The following CHRM5 variants were observed in gnomAD, a reference collection of about 807,000 sequenced individuals.
The protein encoded by CHRM5 is cholinergic receptor muscarinic 5.
A neutral mutation model predicts 39.0 loss-of-function variants in CHRM5; 18 were observed. The observed-to-expected ratio is 0.46, with a 90% CI of 0.32 to 0.68. The LOEUF is 0.68. Among genes scored for constraint, CHRM5 ranks in the 30% least tolerant of loss-of-function variants. The pLI is 0.04. For synonymous variants in CHRM5, 241 were observed against 246.3 expected (o/e 0.98, Z 0.20); for missense variants, 515 against 651.1 (o/e 0.79, Z 2.28).
chr15:34,044,825 A>G (rs1026134663), intron 1 of CHRM5, among the ~76,000 whole-genome samples: 11 of 152,050 alleles, frequency 7.2e-5, no homozygotes, highest in Non-Finnish European at 1.5e-4. Context: ...CCGAGGCGGG[A>G]GGATCATGAG....
intron 1 of CHRM5, among the ~76,000 whole-genome samples, chr15:33,989,415 G>A (rs896262413): frequency 2.0e-5 from 3 of 151,132 alleles, no homozygotes; most frequent in African/African-American, 7.3e-5. Flanking sequence ...AAAGCAAGGA[G>A]GTATTATTTC....
chr15:34,023,179 CAGAAAAAAAAAA>C (rs1898286579), intron 1 of CHRM5, among the ~76,000 whole-genome samples: 2 of 150,994 alleles, frequency 1.3e-5, no homozygotes, highest in African/African-American at 2.4e-5. Context: ...GACTCGGTCT[CAGAAAAAAAAAA>C]AGGAAAAGAA....
At position 34,064,946 on chromosome 15, in the gene CHRM5, T is replaced by C. The variant is rs1247026820; in HGVS notation, c.*630T>C. On this transcript the variant is annotated 3_prime_UTR_variant, in exon 3 of 3. Coordinates refer to ENST00000383263, the MANE Select transcript of CHRM5 (RefSeq NM_012125.4). ...CTTCCCTTTCATATCCAATGTCAAT[T>C]CCTTGTACTCACTGAACCCATGCTG... is the stretch of plus-strand genomic sequence containing the variant. 1 of 167,616 alleles carries C rather than the reference T, an allele frequency of 6.0e-6. No individual in the cohort carries two copies. The highest frequency in any genetic ancestry group is 2.4e-5 in the African/African-American group (1 of 41,456). The allele number at this position is 167,616 out of a possible 1,614,324, so 10.4% of individuals were successfully genotyped here.
At chr15:34,004,044 C>T (rs1319777181) in intron 1 of CHRM5, among the ~76,000 whole-genome samples, 3 of 152,186 alleles carry the variant, frequency 2.0e-5, no homozygotes, top group Admixed American at 2.0e-4. Flanking sequence ...TCTCCAGGCT[C>T]AATTTCTACA....
intron 1 of CHRM5, chr15:34,039,020 TC>T (rs1179304884): frequency 8.9e-7 from 1 of 1,120,072 alleles, no homozygotes; most frequent in Non-Finnish European, 1.1e-6. Context: ...GCCCACGGCC[TC>T]CCCGAGCTCC....
At chr15:34,012,501 C>T (rs1051780946) in intron 1 of CHRM5, among the ~76,000 whole-genome samples, 2 of 152,150 alleles carry the variant, frequency 1.3e-5, no homozygotes, top group African/African-American at 4.8e-5. Context: ...GTACATCTGC[C>T]TCTCTGTTCC....
intron 1 of CHRM5, among the ~76,000 whole-genome samples, chr15:33,971,659 T>A (rs1895643715): frequency 6.6e-6 from 1 of 152,140 alleles, no homozygotes; most frequent in South Asian, 2.1e-4. Context: ...TTTAAATGCA[T>A]TAAATATATA....
At chr15:33,989,622 G>C (rs945511926) in intron 1 of CHRM5, among the ~76,000 whole-genome samples, 13 of 151,910 alleles carry the variant, frequency 8.6e-5, no homozygotes, top group African/African-American at 3.1e-4. Context: ...CCTTTTCATA[G>C]TCTCTGAATT....
chr15:34,000,964 AAAAT>A (rs1224231789), intron 1 of CHRM5, among the ~76,000 whole-genome samples: 1 of 152,188 alleles, frequency 6.6e-6, no homozygotes, highest in Non-Finnish European at 1.5e-5. Flanking sequence ...ATAAAATGCT[AAAAT>A]AAATAACCAA....
intron 1 of CHRM5, among the ~76,000 whole-genome samples, chr15:33,979,497 G>A (rs1013740706): frequency 6.6e-6 from 1 of 152,146 alleles, no homozygotes; most frequent in Non-Finnish European, 1.5e-5. Context: ...AAACAAGCAA[G>A]CAAATAAAAC....
chr15:33,990,771 T>C (rs761071567), intron 1 of CHRM5: 1 of 152,220 alleles, frequency 6.6e-6, no homozygotes, highest in African/African-American at 2.4e-5. Flanking sequence ...TTTGATGACT[T>C]TAATTTGCCG....
intron 1 of CHRM5, among the ~76,000 whole-genome samples, chr15:34,016,637 A>G (rs1897925378): frequency 6.6e-6 from 1 of 152,200 alleles, no homozygotes; most frequent in African/African-American, 2.4e-5. Flanking sequence ...CACTAACTAA[A>G]GCCAAGTGTC....
chr15:33,986,155 G>A (rs1219150865), intron 1 of CHRM5, among the ~76,000 whole-genome samples: 1 of 151,496 alleles, frequency 6.6e-6, no homozygotes, highest in East Asian at 1.9e-4. Context: ...CGCCCAGGCT[G>A]GAGTGCAGTG....
At chr15:33,997,491 T>C (rs557517864) in intron 1 of CHRM5, among the ~76,000 whole-genome samples, 2 of 152,296 alleles carry the variant, frequency 1.3e-5, no homozygotes, top group Admixed American at 6.5e-5. Context: ...GGCACACCCG[T>C]ATTTTTATAT....
intron 1 of CHRM5, among the ~76,000 whole-genome samples, chr15:33,971,708 T>G (rs939510190): frequency 5.3e-5 from 8 of 152,126 alleles, no homozygotes; most frequent in Admixed American, 1.3e-4. Context: ...TAAGTTTTCA[T>G]AAGGAATTTT....
chr15:34,038,689 G>T (rs1361223965), intron 1 of CHRM5: 31 of 1,075,876 alleles, frequency 2.9e-5, no homozygotes, highest in Non-Finnish European at 3.3e-5. Flanking sequence ...GCGCGCGCCT[G>T]GCACGCTCTC....
chr15:34,024,498 C>T (rs781718202), intron 1 of CHRM5, among the ~76,000 whole-genome samples: 35 of 146,704 alleles, frequency 2.4e-4, no homozygotes, highest in Non-Finnish European at 5.1e-4. Context: ...AAAAAAGAAG[C>T]ACTTTGCTCA....
intron 1 of CHRM5, among the ~76,000 whole-genome samples, chr15:33,984,435 T>C (rs1263281235): frequency 6.6e-6 from 1 of 151,592 alleles, no homozygotes. Flanking sequence ...AGAGTTTCAC[T>C]CTTGTTGCTC....
intron 1 of CHRM5, among the ~76,000 whole-genome samples, chr15:33,985,296 C>T (rs1896374567): frequency 1.3e-5 from 2 of 151,406 alleles, no homozygotes; most frequent in Admixed American, 6.6e-5. Flanking sequence ...TTCCTCATTG[C>T]CCCCGTCTCA....
Sources: gnomAD v4.1 joint callset for allele counts (sites outside exome capture counted in the v4.1 genomes callset) on GRCh38, gnomAD v4.1.1 for gene constraint, MANE v1.5 for transcripts, NCBI Gene and HGNC (gene_info 2026-07-23, HGNC 2026-07-21) for gene names.